The following TRAPPC2 variants were observed in gnomAD, a reference collection of about 807,000 sequenced individuals.
TRAPPC2 encodes sedlin.
Under a neutral mutation model 10.0 loss-of-function variants are expected in TRAPPC2, and 4 were observed. The ratio of observed to expected loss-of-function variants is 0.40; its 90% CI spans 0.20 to 0.92. TRAPPC2 has a LOEUF of 0.92. Ranked by LOEUF, TRAPPC2 falls within the 40% of genes least tolerant of loss-of-function variation. The pLI is 0.35. For missense variants in TRAPPC2, 52 were observed against 108.7 expected, an observed-to-expected ratio of 0.48 and a Z score of 2.32; for synonymous variants, 36 against 37.3, an observed-to-expected ratio of 0.97 and a Z score of 0.12.
chrX:13,720,432 C>G (rs772072168), intron 2 of TRAPPC2: 2 of 112,065 alleles, frequency 1.8e-5, no homozygotes, highest in South Asian at 7.5e-4. Context: ...AATTACCTTG[C>G]CTTAGAAATT....
In TRAPPC2 at chrX:13,714,296, G is replaced by A. The variant is rs2046256529; in HGVS notation, c.*111C>T. 2 of 407,625 alleles carry A rather than the reference G, an allele frequency of 4.9e-6. No individual in the cohort carries two copies. Among genetic ancestry groups the A allele is most frequent in the African/African-American group, 5.1e-5 (2 of 39,403 alleles). The allele number at this position is 407,625 out of a possible 1,213,427, so 33.6% of individuals were successfully genotyped here. On this transcript the variant is annotated 3_prime_UTR_variant, in exon 6 of 6. Transcript: ENST00000380579. ...AAGGAATTTCATTAGGTTTAGATAA[G>A]CTGAGAATACACAAAAGTTTTCCAG... is the stretch of plus-strand genomic sequence containing the variant.
chrX:13,734,501 C>G (rs1466416840), intron 1 of TRAPPC2, 24 bp downstream of exon 1: 10 of 229,209 alleles, frequency 4.4e-5, no homozygotes, highest in African/African-American at 2.9e-4. Flanking sequence ...ACCCGCCCCC[C>G]GCCGCACTTG....
intron 2 of TRAPPC2, among the ~76,000 whole-genome samples, chrX:13,732,840 C>G (rs752598503): frequency 8.9e-6 from 1 of 112,821 alleles, no homozygotes; most frequent in African/African-American, 3.2e-5. Context: ...TCTTTACAAC[C>G]TCTATAGAAG....
intron 3 of TRAPPC2, among the ~76,000 whole-genome samples, chrX:13,717,898 C>G (rs371114093): frequency 8.9e-6 from 1 of 111,994 alleles, no homozygotes. Context: ...TGAGGTCACA[C>G]TGGAGTAGGG....
At chrX:13,723,490 G>T (rs377662390) in intron 2 of TRAPPC2, among the ~76,000 whole-genome samples, 2 of 111,731 alleles carry the variant, frequency 1.8e-5, no homozygotes, top group East Asian at 5.6e-4. Flanking sequence ...TTTTATAAAA[G>T]TTCTGTGACT....
In TRAPPC2 at chrX:13,734,195, TAGAG is replaced by T. The variant is rs979016414; in HGVS notation, c.-161-14_-161-11del. On this transcript the variant is annotated splice_polypyrimidine_tract_variant and intron_variant, in intron 1 of 5. Transcript: ENST00000380579. ...GGGGGAGAAGGTGATACTGACAAAA[TAGAG>T]AGCAAGGATACAGCTAAACCTACAA... The T allele has an allele frequency of 2.1e-5, 10 of 479,523 alleles. No homozygotes were observed. Among genetic ancestry groups the T allele is most frequent in the Non-Finnish European group, 3.3e-5 (9 of 268,740 alleles). The allele number at this position is 479,523 out of a possible 1,213,427, so 39.5% of individuals were successfully genotyped here. A position where few individuals can be genotyped will look rare whatever the true frequency, so the allele number is the denominator to read the frequency against.
Position 13,722,482 on chromosome X carries a change from T to C in TRAPPC2, c.-19-2500A>G, listed in dbSNP as rs188762483. On this transcript the variant is annotated intron_variant, in intron 2 of 5. Transcript: ENST00000380579. ...CATGCTTGACTTCAGCTGCCAATTA[T>C]TTGATTTTGTAAACAGCTGAAGAAG... 2.7e-5 allele frequency among the ~76,000 whole-genome samples: 3 copies of C among 111,417 alleles called. No homozygotes were observed. In the Admixed American group the frequency reaches 2.9e-4, roughly 11 times the overall value.
At position 13,723,617 on chromosome X, in the gene TRAPPC2, G is replaced by A. The variant is rs191851898; in HGVS notation, c.-19-3635C>T. Among the ~76,000 whole-genome samples, 3 of 112,051 alleles carry A rather than the reference G, an allele frequency of 2.7e-5. No individual in the cohort carries two copies. The East Asian group carries it at 8.4e-4, about 31-fold the overall frequency. On this transcript the variant is annotated intron_variant, in intron 2 of 5. Coordinates refer to ENST00000380579, the MANE Select transcript of TRAPPC2 (RefSeq NM_001011658.4). The stretch of plus-strand genomic sequence containing the variant: ...GCGTTGACATGACTGTGTATGTATG[G>A]TCTGCTCGATTTTCCCATCGCCTTA...
At chrX:13,717,250 G>A (rs2046315610) in intron 3 of TRAPPC2, among the ~76,000 whole-genome samples, 1 of 110,481 alleles carries the variant, frequency 9.1e-6, no homozygotes, top group African/African-American at 3.3e-5. Context: ...GGACCTAGGA[G>A]TAGTGGGAGG....
chrX:13,722,670 C>T (rs1483074688), intron 2 of TRAPPC2, among the ~76,000 whole-genome samples: 7 of 111,735 alleles, frequency 6.3e-5, no homozygotes, highest in African/African-American at 1.3e-4. Context: ...GTAAGACACA[C>T]GCTAGGATTC....
intron 2 of TRAPPC2, among the ~76,000 whole-genome samples, chrX:13,725,349 G>A (rs995685320): frequency 7.1e-5 from 8 of 112,301 alleles, no homozygotes; most frequent in African/African-American, 1.3e-4. Context: ...TCCCAGTAGG[G>A]GCCGACAGAC....
intron 2 of TRAPPC2, among the ~76,000 whole-genome samples, chrX:13,731,293 A>T (rs1178145154): frequency 1.8e-5 from 2 of 112,175 alleles, no homozygotes; most frequent in Non-Finnish European, 3.8e-5. Flanking sequence ...ATTCAGAGCG[A>T]CTAGAACACC....
chrX:13,720,021 A>G (rs770205303), intron 2 of TRAPPC2, 39 bp from the exon 3 acceptor site: 2 of 909,457 alleles, frequency 2.2e-6, no homozygotes, highest in Non-Finnish European at 2.9e-6. Context: ...TTAGTAGTCA[A>G]TCTTCAAATT....
intron 3 of TRAPPC2, 47 bp downstream of exon 3, chrX:13,719,824 A>G: frequency 1.1e-6 from 1 of 933,561 alleles, no homozygotes; most frequent in Non-Finnish European, 1.5e-6. Flanking sequence ...CAGTTCTAAA[A>G]TCATATTATA....
In TRAPPC2 at chrX:13,733,301, C is replaced by G. The variant is rs146799279; in HGVS notation, c.-20+743G>C. Among the ~76,000 whole-genome samples, 415 of 111,883 alleles carry G rather than the reference C, an allele frequency of 3.7e-3. 3 individuals are homozygous for G. The highest frequency in any genetic ancestry group is 6.4e-3 in the Non-Finnish European group (342 of 53,144). ...TAGTATTCAAGATTCCCACATTGCT[C>G]CACGTGTCTTTTCTCAGCCCTATTG... On this transcript the variant is annotated intron_variant, in intron 2 of 5. Coordinates refer to ENST00000380579, the MANE Select transcript of TRAPPC2 (RefSeq NM_001011658.4).
At chrX:13,727,339 A>ATT (rs2046575276) in intron 2 of TRAPPC2, among the ~76,000 whole-genome samples, 1 of 112,337 alleles carries the variant, frequency 8.9e-6, no homozygotes, top group African/African-American at 3.2e-5. Context: ...AAAATTGACT[A>ATT]CATAATTGGA....
At position 13,712,286 on chromosome X, in the gene TRAPPC2, A is replaced by C. The variant is rs1239435280; in HGVS notation, c.*2121T>G. On this transcript the variant is annotated 3_prime_UTR_variant, in exon 6 of 6. Transcript: ENST00000380579. ...ATTTAAGAAATCAAATAGGGTAAAA[A>C]TTATGCAATTTCACACAAGGATACA... The C allele has an allele frequency of 1.8e-5, 2 of 111,646 alleles. No homozygotes were observed. Among genetic ancestry groups the C allele is most frequent in the South Asian group, 3.6e-4 (1 of 2,748 alleles). 9.2% of individuals were successfully genotyped at this position (111,646 alleles called of 1,213,427 possible).
rs752957366 is a variant in TRAPPC2 at position 13,734,174 on chromosome X, G to A, written c.-150C>T. ...ACATCTTTGGTTGTCACACTTGGGG[G>A]AGAAGGTGATACTGACAAAATAGAG... is the stretch of plus-strand genomic sequence containing the variant. On this transcript the variant is annotated 5_prime_UTR_variant, in exon 2 of 6. Coordinates refer to ENST00000380579, the MANE Select transcript of TRAPPC2 (RefSeq NM_001011658.4). The A allele has an allele frequency of 6.8e-5, 34 of 499,082 alleles. No homozygotes were observed. Among genetic ancestry groups the A allele is most frequent in the African/African-American group, 4.4e-4 (19 of 43,003 alleles). The allele number at this position is 499,082 out of a possible 1,213,427, so 41.1% of individuals were successfully genotyped here.
At chrX:13,715,309 C>T (rs2046267761) in intron 5 of TRAPPC2, among the ~76,000 whole-genome samples, 2 of 112,467 alleles carry the variant, frequency 1.8e-5, no homozygotes, top group Non-Finnish European at 3.8e-5. Flanking sequence ...CTCGTCTCTA[C>T]TGAAAATACA....
Sources: allele counts gnomAD v4.1 joint callset (sites outside exome capture counted in the v4.1 genomes callset), GRCh38; gene constraint gnomAD v4.1.1; transcripts MANE v1.5; gene names NCBI Gene and HGNC (gene_info 2026-07-23, HGNC 2026-07-21).